Variants in THSD7A observed in about 807,000 individuals in gnomAD.
THSD7A encodes thrombospondin type-1 domain-containing protein 7A.
A neutral mutation model predicts 231.3 loss-of-function variants in THSD7A; 96 were observed. That is an observed-to-expected ratio of 0.41 (90% CI 0.35 to 0.49). THSD7A has a LOEUF of 0.49. Ranked by LOEUF, THSD7A falls within the 20% of genes least tolerant of loss-of-function variation. THSD7A has a pLI of 0.05. For missense variants in THSD7A, 2,290 were observed against 2,070.2 expected, an observed-to-expected ratio of 1.11 and a Z score of -2.06; for synonymous variants, 940 against 743.3, an observed-to-expected ratio of 1.26 and a Z score of -4.30.
intron 9 of THSD7A, among the ~76,000 whole-genome samples, chr7:11,466,926 TCAC>T (rs1450927875): frequency 3.3e-5 from 5 of 151,984 alleles, no homozygotes; most frequent in African/African-American, 7.2e-5. Context: ...TGCCTGCCAC[TCAC>T]CACAAGAAAT....
At chr7:11,523,047 A>C (rs1245379127) in intron 6 of THSD7A, among the ~76,000 whole-genome samples, 1 of 152,138 alleles carries the variant, frequency 6.6e-6, no homozygotes, top group African/African-American at 2.4e-5. Flanking sequence ...GTTACAGAAA[A>C]TGGCGTTGTA....
rs1235858870 is a variant in THSD7A, at chr7:11,544,281, G to T, written c.1454-1164C>A. The stretch of plus-strand genomic sequence containing the variant: ...CACTTGAACCTGGGAGGCAGAGGTT[G>T]CAGGGAGCTGAAATCATGCCACTGC... On this transcript the variant is annotated intron_variant, in intron 4 of 27. Transcript: ENST00000423059. Among the ~76,000 whole-genome samples the T allele has an allele frequency of 3.3e-5, 5 of 152,222 alleles. No individual in the cohort carries two copies. The East Asian group carries it at 5.8e-4, about 18-fold the overall frequency.
At chr7:11,820,644 C>T (rs1784847820) in intron 1 of THSD7A, 2 of 777,904 alleles carry the variant, frequency 2.6e-6, no homozygotes, top group African/African-American at 1.7e-5. Flanking sequence ...AGCGCTCTGC[C>T]ACCTCCTCTT....
At chr7:11,574,165 T>C (rs1199827762) in intron 4 of THSD7A, among the ~76,000 whole-genome samples, 1 of 152,210 alleles carries the variant, frequency 6.6e-6, no homozygotes, top group Non-Finnish European at 1.5e-5. Context: ...AATAACATTA[T>C]TACCCAGTTA....
intron 2 of THSD7A, among the ~76,000 whole-genome samples, chr7:11,598,728 C>A (rs117290265): frequency 0.01 from 1,569 of 152,260 alleles, 11 homozygotes; most frequent in Non-Finnish European, 0.014. Flanking sequence ...TGGGTCCAGG[C>A]ATCAAGGGTT....
rs1784782445 is a variant in THSD7A, at chr7:11,440,870, GAGGATATACTCC to G, written c.3064+5179_3064+5190del. Among the ~76,000 whole-genome samples the G allele has an allele frequency of 4.6e-5, 7 of 152,186 alleles. No individual in the cohort carries two copies. In the South Asian group the frequency reaches 1.2e-3, roughly 27 times the overall value. On this transcript the variant is annotated intron_variant, in intron 13 of 27. Transcript: ENST00000423059. ...TTGACAAAGCAGTAGTAGGGTTTGAGAGGATATACTCCAGTTTTGAAAGAAGTTCCACAGTGG... is the reference window on the plus strand; with the variant it reads ...TTGACAAAGCAGTAGTAGGGTTTGAGAGTTTTGAAAGAAGTTCCACAGTGG...
rs1782134613 is a variant in THSD7A at position 11,373,351 on chromosome 7, A to ATTTTTTT, written c.*2442_*2443insAAAAAAA. On this transcript the variant is annotated 3_prime_UTR_variant, in exon 28 of 28. Coordinates refer to ENST00000423059, the MANE Select transcript of THSD7A (RefSeq NM_015204.3). Reference sequence around the variant, plus strand: ...AACCACAATAGAGTCTTTCTTAACTATTTTGGACAAATGGAGTTTATTTTA... The same window carrying ATTTTTTT: ...AACCACAATAGAGTCTTTCTTAACTATTTTTTTTTTTGGACAAATGGAGTTTATTTTA... 6.6e-6 allele frequency: 1 copy of ATTTTTTT among 151,990 alleles called. No homozygotes were observed. Among genetic ancestry groups the ATTTTTTT allele is most frequent in the Non-Finnish European group, 1.5e-5 (1 of 67,934 alleles). The allele number at this position is 151,990 out of a possible 1,614,324, so 9.4% of individuals were successfully genotyped here.
intron 6 of THSD7A, among the ~76,000 whole-genome samples, chr7:11,504,011 A>T (rs1033038500): frequency 3.9e-5 from 6 of 152,120 alleles, no homozygotes; most frequent in African/African-American, 1.4e-4. Flanking sequence ...CATGCATGCA[A>T]ATGTTCACTG....
chr7:11,596,791 G>C (rs113963182), intron 2 of THSD7A, among the ~76,000 whole-genome samples: 10 of 152,206 alleles, frequency 6.6e-5, no homozygotes, highest in African/African-American at 2.4e-4. Flanking sequence ...AATTGCAGCT[G>C]CTATACCAGA....
chr7:11,818,435 G>A (rs563495662), intron 1 of THSD7A, among the ~76,000 whole-genome samples: 54 of 152,266 alleles, frequency 3.5e-4, no homozygotes, highest in African/African-American at 1.3e-3. Context: ...TTGTTTACCT[G>A]TCTCCTTCCT....
At chr7:11,449,501 TA>T (rs1283798935) in intron 11 of THSD7A, among the ~76,000 whole-genome samples, 1 of 152,068 alleles carries the variant, frequency 6.6e-6, no homozygotes, top group Non-Finnish European at 1.5e-5. Context: ...CTTTGGTACC[TA>T]ATCAGCCTGG....
rs746229037 is a variant in THSD7A at position 11,593,514 on chromosome 7, C to G, written c.1023-12G>C. 3 of 1,612,366 alleles carry G rather than the reference C, an allele frequency of 1.9e-6. No homozygotes were observed. The highest frequency in any genetic ancestry group is 2.2e-5 in the East Asian group (1 of 44,844). ...CTTGCTGGCAAAAGCTGTAAAAGAG[C>G]ATTGATATTCTCATTACAGACTCAC... On this transcript the variant is annotated splice_polypyrimidine_tract_variant and intron_variant, in intron 2 of 27. Transcript: ENST00000423059.
Position 11,831,898 on chromosome 7 carries a change from C to G in THSD7A, c.49G>C (p.Gly17Arg). The G allele has an allele frequency of 2.4e-6, 3 of 1,240,296 alleles. No homozygotes were observed. The highest frequency in any genetic ancestry group is 3.0e-6 in the Non-Finnish European group (3 of 995,808). 76.8% of individuals were successfully genotyped at this position (1,240,296 alleles called of 1,614,324 possible). ...RWASGSRGAA[G>R]PRRGVLQLLP... Reference sequence around the variant, plus strand: ...AGCTGCAGGACGCCCCGGCGCGGCCCCGCAGCGCCCCGGCTCCCGGACGCC... The same window carrying G: ...AGCTGCAGGACGCCCCGGCGCGGCCGCGCAGCGCCCCGGCTCCCGGACGCC... Residue 17 changes from glycine (G) to arginine (R), a missense_variant, in exon 1 of 28, where the codon GGG (glycine) becomes CGG (arginine). By Grantham distance (125) the Gly-to-Arg change is moderately radical (BLOSUM62 -2). Transcript: ENST00000423059. This position sits in a 1 kb window ranked among gnomAD's most constrained non-coding sequence, Gnocchi z 5.0.
chr7:11,584,884 G>C (rs988945009), intron 4 of THSD7A, among the ~76,000 whole-genome samples: 1 of 152,134 alleles, frequency 6.6e-6, no homozygotes, highest in Non-Finnish European at 1.5e-5. Context: ...GTGTGAGTGC[G>C]AATATAGCCT....
chr7:11,506,248 C>T (rs985937693), intron 6 of THSD7A, among the ~76,000 whole-genome samples: 4 of 152,158 alleles, frequency 2.6e-5, no homozygotes, highest in African/African-American at 9.7e-5. Context: ...GCCTCAACCT[C>T]CTAAAATGCT....
intron 1 of THSD7A, among the ~76,000 whole-genome samples, chr7:11,703,507 C>G (rs1780670464): frequency 6.6e-6 from 1 of 151,148 alleles, no homozygotes; most frequent in Admixed American, 6.6e-5. Flanking sequence ...TCAGAAATTG[C>G]TATTCTTCTG....
chr7:11,520,002 G>T (rs1280380535), intron 6 of THSD7A: 1 of 152,130 alleles, frequency 6.6e-6, no homozygotes, highest in Non-Finnish European at 1.5e-5. Context: ...ACCAACTTGT[G>T]TCTTTCCTTT....
chr7:11,752,037 C>G (rs764320271), intron 1 of THSD7A, among the ~76,000 whole-genome samples: 1 of 152,112 alleles, frequency 6.6e-6, no homozygotes, highest in Admixed American at 6.5e-5. Context: ...AGTGTTGCCC[C>G]AAGATCTGTC....
chr7:11,661,121 C>G (rs1474611650), intron 1 of THSD7A, among the ~76,000 whole-genome samples: 1 of 151,168 alleles, frequency 6.6e-6, no homozygotes, highest in African/African-American at 2.4e-5. Flanking sequence ...TGGTAAGTAA[C>G]CCAGGCTATC....
Sources: gnomAD v4.1 joint callset for allele counts (sites outside exome capture counted in the v4.1 genomes callset) on GRCh38, gnomAD v4.1.1 for gene constraint, Gnocchi (gnomAD v3.1) non-coding constraint, MANE v1.5 for transcripts, NCBI Gene and HGNC (gene_info 2026-07-23, HGNC 2026-07-21) for gene names.